The following ADGRB3 variants were observed in gnomAD, a reference collection of about 807,000 sequenced individuals.
ADGRB3 encodes brain-specific angiogenesis inhibitor 3.
In ADGRB3, 37 loss-of-function variants were observed where a neutral mutation model predicts 193.4. The observed-to-expected ratio is 0.19, with a 90% CI of 0.15 to 0.25. The LOEUF (loss-of-function observed/expected upper bound fraction) is 0.25. Among genes scored for constraint, ADGRB3 ranks in the 10% least tolerant of loss-of-function variants. The probability of loss-of-function intolerance (pLI) is 1.00; values close to 1 mark genes in which losing one functional copy is unlikely to be tolerated. For missense variants in ADGRB3, 1,637 were observed against 1,852.9 expected, an observed-to-expected ratio of 0.88 and a Z score of 2.14; for synonymous variants, 690 against 644.2, an observed-to-expected ratio of 1.07 and a Z score of -1.08.
chr6:68,926,873 TC>T (rs367863759), intron 3 of ADGRB3, among the ~76,000 whole-genome samples: 49 of 152,208 alleles, frequency 3.2e-4, no homozygotes, highest in African/African-American at 1.1e-3. Context: ...TTTTTAATGA[TC>T]TACTTACATA....
At chr6:69,196,842 G>T (rs893028368) in intron 17 of ADGRB3, among the ~76,000 whole-genome samples, 14 of 152,060 alleles carry the variant, frequency 9.2e-5, no homozygotes, top group Non-Finnish European at 1.9e-4. Context: ...TTATCACAAA[G>T]GGTGATTTGT....
chr6:69,249,558 A>G (rs1462011102), intron 20 of ADGRB3, among the ~76,000 whole-genome samples: 2 of 152,184 alleles, frequency 1.3e-5, no homozygotes, highest in Non-Finnish European at 2.9e-5. Flanking sequence ...TTGGGCAGAG[A>G]AGTAACATCT....
intron 3 of ADGRB3, among the ~76,000 whole-genome samples, chr6:68,859,447 G>A (rs535895103): frequency 1.6e-4 from 24 of 152,132 alleles, no homozygotes; most frequent in East Asian, 1.9e-4. Context: ...TACTGTATTC[G>A]TCTGTTCTCA....
intron 20 of ADGRB3, among the ~76,000 whole-genome samples, chr6:69,305,962 G>A (rs1203144182): frequency 6.6e-6 from 1 of 151,502 alleles, no homozygotes; most frequent in Non-Finnish European, 1.5e-5. Context: ...TGAATTAAGT[G>A]ATGTGTAGGC....
intron 3 of ADGRB3, among the ~76,000 whole-genome samples, chr6:68,650,691 G>A (rs1207038890): frequency 1.3e-5 from 2 of 152,078 alleles, no homozygotes; most frequent in African/African-American, 2.4e-5. Flanking sequence ...GTATTTTTGT[G>A]TATCTTCTTC....
At chr6:68,747,463 T>C (rs1766107268) in intron 3 of ADGRB3, among the ~76,000 whole-genome samples, 1 of 152,242 alleles carries the variant, frequency 6.6e-6, no homozygotes, top group African/African-American at 2.4e-5. Context: ...TCAGATAGCA[T>C]GCTTAATTAT....
intron 3 of ADGRB3, among the ~76,000 whole-genome samples, chr6:68,721,785 C>A (rs1215557298): frequency 1.3e-5 from 2 of 150,800 alleles, no homozygotes; most frequent in South Asian, 2.1e-4. Flanking sequence ...ATATGCCCAA[C>A]AAGGTGGCAA....
At chr6:69,180,572 A>G (rs1012964612) in intron 17 of ADGRB3, among the ~76,000 whole-genome samples, 1 of 152,132 alleles carries the variant, frequency 6.6e-6, no homozygotes, top group Non-Finnish European at 1.5e-5. Flanking sequence ...CTGCTCCATC[A>G]TTATCTCAGG....
chr6:68,636,425 G>T (rs1484260511), intron 1 of ADGRB3, among the ~76,000 whole-genome samples: 2 of 149,096 alleles, frequency 1.3e-5, no homozygotes, highest in Admixed American at 6.8e-5. Context: ...CTCAATGCTG[G>T]TTTGCTTCTC....
At chr6:69,077,048 T>C (rs1489797991) in intron 17 of ADGRB3, among the ~76,000 whole-genome samples, 4 of 152,026 alleles carry the variant, frequency 2.6e-5, no homozygotes, top group Non-Finnish European at 1.5e-5. Flanking sequence ...ACAATTAATA[T>C]TAAACATACT....
intron 3 of ADGRB3, among the ~76,000 whole-genome samples, chr6:68,871,032 T>C (rs1765441384): frequency 6.6e-6 from 1 of 152,170 alleles, no homozygotes; most frequent in African/African-American, 2.4e-5. Flanking sequence ...AACTTCGGCT[T>C]TTGTAAACTT....
chr6:68,839,043 TTCTC>T (rs765039311), intron 3 of ADGRB3, among the ~76,000 whole-genome samples: 3 of 148,598 alleles, frequency 2.0e-5, no homozygotes, highest in African/African-American at 7.5e-5. Context: ...CTATCTCTCT[TTCTC>T]TCTCTCTTCC....
chr6:68,912,161 A>G (rs1239278600), intron 3 of ADGRB3, among the ~76,000 whole-genome samples: 2 of 151,962 alleles, frequency 1.3e-5, no homozygotes, highest in East Asian at 3.9e-4. Flanking sequence ...TTAAGCTTGG[A>G]TTCAGAAAAC....
rs201246905 is a variant in ADGRB3, at chr6:68,956,144, G to A, written c.1316G>A (p.Gly439Glu). The change falls in exon 7 of 32, where the codon GGG becomes GAG. Residue 439 changes from glycine (G) to glutamate (E), a missense_variant. Around this residue, in one of 7 missense-constraint regions of ADGRB3, gnomAD observed 641 missense variants for 673.9 expected, o/e 0.95. Coordinates refer to ENST00000370598, the MANE Select transcript of ADGRB3 (RefSeq NM_001704.3). ...GCCCATGGAGGCTCCGAATGCAGAG[G>A]GCCATGGGCAGAAAGCAGAGAGTGC... ...AAAHGGSECR[G>E]PWAESRECYN... is the part of the protein sequence containing the mutation. The A allele has an allele frequency of 6.2e-7, 1 of 1,613,862 alleles. No homozygotes were observed. Among genetic ancestry groups the A allele is most frequent in the East Asian group, 2.2e-5 (1 of 44,816 alleles).
intron 3 of ADGRB3, among the ~76,000 whole-genome samples, chr6:68,756,749 A>G (rs1406624752): frequency 6.6e-6 from 1 of 152,132 alleles, no homozygotes; most frequent in African/African-American, 2.4e-5. Context: ...AACTCTTGGT[A>G]TTCTAATAGT....
chr6:68,948,457 C>T (rs1247801930), intron 6 of ADGRB3, among the ~76,000 whole-genome samples: 1 of 151,938 alleles, frequency 6.6e-6, no homozygotes, highest in Non-Finnish European at 1.5e-5. Context: ...TTGCATTTTC[C>T]AGTATGACTG....
At chr6:68,730,104 T>A (rs184372130) in intron 3 of ADGRB3, among the ~76,000 whole-genome samples, 46 of 151,788 alleles carry the variant, frequency 3.0e-4, no homozygotes, top group South Asian at 2.9e-3. Flanking sequence ...ATTTTTATAT[T>A]TCCAGTACAC....
At chr6:68,974,187 G>T (rs899030869) in intron 8 of ADGRB3, among the ~76,000 whole-genome samples, 5 of 151,934 alleles carry the variant, frequency 3.3e-5, no homozygotes, top group Non-Finnish European at 1.5e-5. Context: ...TTATTGATAT[G>T]CCTGAATATG....
intron 17 of ADGRB3, among the ~76,000 whole-genome samples, chr6:69,096,421 A>G (rs1272819285): frequency 1.5e-5 from 2 of 136,102 alleles, no homozygotes; most frequent in Admixed American, 7.7e-5. Flanking sequence ...TGCATCTATT[A>G]TGCCCATCCA....
Sources: allele counts gnomAD v4.1 joint callset (sites outside exome capture counted in the v4.1 genomes callset), GRCh38; gene constraint gnomAD v4.1.1; regional missense constraint gnomAD v4.1.1; transcripts MANE v1.5; gene names NCBI Gene and HGNC (gene_info 2026-07-23, HGNC 2026-07-21).